BCAR3: variants seen among roughly 807,000 people sequenced by gnomAD.
BCAR3 encodes the protein breast cancer anti-estrogen resistance protein 3.
Under a neutral mutation model 80.1 loss-of-function variants are expected in BCAR3, and 37 were observed. The observed-to-expected ratio is 0.46, with a 90% confidence interval of 0.36 to 0.61. The LOEUF (loss-of-function observed/expected upper bound fraction) is 0.61. Ranked by LOEUF, BCAR3 falls within the 20% of genes least tolerant of loss-of-function variation. The pLI, the probability that BCAR3 is intolerant of heterozygous loss-of-function variation, is 0.00. For missense variants in BCAR3, 978 were observed against 1,068.2 expected, an observed-to-expected ratio of 0.92 and a Z score of 1.18; for synonymous variants, 389 against 418.9, an observed-to-expected ratio of 0.93 and a Z score of 0.87.
chr1:93,833,150 G>A (rs1455303955), intron 2 of BCAR3, among the ~76,000 whole-genome samples: 1 of 152,118 alleles, frequency 6.6e-6, no homozygotes, highest in Non-Finnish European at 1.5e-5. Context: ...GACTCTGGGG[G>A]TGACATCACA....
At chr1:93,753,015 G>T (rs1651616618) in intron 2 of BCAR3, 1 of 152,196 alleles carries the variant, frequency 6.6e-6, no homozygotes, top group Admixed American at 6.5e-5. Context: ...GTGACGCACA[G>T]TGCTAAGTTA....
At chr1:93,730,899 A>G (rs1650762368) in intron 2 of BCAR3, among the ~76,000 whole-genome samples, 1 of 152,250 alleles carries the variant, frequency 6.6e-6, no homozygotes, top group Non-Finnish European at 1.5e-5. Context: ...GAACCCTGGC[A>G]AACACTCCTC....
chr1:93,770,990 A>C (rs576339592), intron 2 of BCAR3, among the ~76,000 whole-genome samples: 1 of 152,218 alleles, frequency 6.6e-6, no homozygotes, highest in Non-Finnish European at 1.5e-5. Flanking sequence ...AGACCACTGT[A>C]CTATACCTTT....
chr1:93,668,766 T>C (rs1037612451), intron 2 of BCAR3, among the ~76,000 whole-genome samples: 1 of 150,396 alleles, frequency 6.6e-6, no homozygotes, highest in African/African-American at 2.5e-5. Context: ...GGCTGGAGAG[T>C]AGTGGTGTGA....
At chr1:93,773,360 A>G (rs1423369712) in intron 2 of BCAR3, among the ~76,000 whole-genome samples, 1 of 152,242 alleles carries the variant, frequency 6.6e-6, no homozygotes, top group Admixed American at 6.5e-5. Flanking sequence ...GCTTAACAAA[A>G]GCTTCTCTAT....
At chr1:93,668,487 T>C (rs1002638323) in intron 2 of BCAR3, among the ~76,000 whole-genome samples, 2 of 152,152 alleles carry the variant, frequency 1.3e-5, no homozygotes, top group African/African-American at 4.8e-5. Context: ...ACATTCACCA[T>C]TCCTCGGAAT....
Position 93,693,940 on chromosome 1 carries a change from G to C in BCAR3, c.-12+12152C>G, listed in dbSNP as rs1016953204. Among the ~76,000 whole-genome samples, 3 of 152,222 alleles carry C rather than the reference G, an allele frequency of 2.0e-5. No homozygotes were observed. The East Asian group carries it at 5.8e-4, about 29-fold the overall frequency. On this transcript the variant is annotated intron_variant, in intron 3 of 13. Transcript: ENST00000370244. ...TTGAGCCCCTGAGCACCTACTCTTG[G>C]CACTCTGTGTGCTTTGCCCACTTAA...
intron 2 of BCAR3, among the ~76,000 whole-genome samples, chr1:93,837,460 C>T (rs1400870867): frequency 1.3e-5 from 2 of 152,196 alleles, no homozygotes; most frequent in African/African-American, 4.8e-5. Context: ...CTTCTACCCA[C>T]TCAGCTCCTG....
chr1:93,743,220 C>T (rs1321079647), intron 2 of BCAR3, among the ~76,000 whole-genome samples: 3 of 152,078 alleles, frequency 2.0e-5, no homozygotes, highest in Admixed American at 6.6e-5. Flanking sequence ...GTATTTAAAA[C>T]AATTATGCTG....
At chr1:93,760,829 G>A (rs1651914193) in intron 2 of BCAR3, among the ~76,000 whole-genome samples, 1 of 152,106 alleles carries the variant, frequency 6.6e-6, no homozygotes, top group Admixed American at 6.6e-5. Flanking sequence ...CCTTGGTCAG[G>A]AGTTCATCCC....
At chr1:93,678,517 A>T (rs1648599070) in intron 1 of BCAR3, among the ~76,000 whole-genome samples, 1 of 152,224 alleles carries the variant, frequency 6.6e-6, no homozygotes, top group Non-Finnish European at 1.5e-5. Context: ...TAAGGGAAAT[A>T]AATGTTCATT....
At chr1:93,613,968 T>C (rs1675029659) in intron 3 of BCAR3, 11 of 1,549,690 alleles carry the variant, frequency 7.1e-6, no homozygotes, top group Non-Finnish European at 9.6e-6. Flanking sequence ...ACACTTTCTT[T>C]AGGGTTAAAA....
chr1:93,569,393 G>A (rs557416041), intron 9 of BCAR3, among the ~76,000 whole-genome samples: 25 of 152,338 alleles, frequency 1.6e-4, no homozygotes, highest in African/African-American at 6.0e-4. Flanking sequence ...ACCAGCAGAC[G>A]TGCTGTGAAG....
chr1:93,649,419 C>A (rs764507962), intron 2 of BCAR3, among the ~76,000 whole-genome samples: 1 of 152,144 alleles, frequency 6.6e-6, no homozygotes, highest in Non-Finnish European at 1.5e-5. Context: ...CTCTGGTTAT[C>A]CACCTCTTTC....
At chr1:93,670,951 C>T (rs959255259) in intron 2 of BCAR3, among the ~76,000 whole-genome samples, 1 of 151,804 alleles carries the variant, frequency 6.6e-6, no homozygotes, top group Admixed American at 6.6e-5. Context: ...CTTGGGCCTC[C>T]GAGAGGATGT....
intron 2 of BCAR3, among the ~76,000 whole-genome samples, chr1:93,714,768 A>G (rs1650142195): frequency 6.6e-6 from 1 of 151,702 alleles, no homozygotes; most frequent in African/African-American, 2.4e-5. Flanking sequence ...ACCTACTTCT[A>G]GCAACACAAT....
chr1:93,590,044 G>T (rs1189118263), intron 4 of BCAR3, among the ~76,000 whole-genome samples: 1 of 152,222 alleles, frequency 6.6e-6, no homozygotes, highest in Admixed American at 6.5e-5. Context: ...GGCCTGGCCA[G>T]TGGGGAGGAG....
chr1:93,676,797 C>T (rs562367307), intron 1 of BCAR3, among the ~76,000 whole-genome samples: 1 of 152,332 alleles, frequency 6.6e-6, no homozygotes, highest in South Asian at 2.1e-4. Flanking sequence ...AGGCCTGCAG[C>T]ACCCTACAGA....
intron 3 of BCAR3, among the ~76,000 whole-genome samples, chr1:93,692,987 G>A (rs1649249147): frequency 6.6e-6 from 1 of 152,178 alleles, no homozygotes; most frequent in Non-Finnish European, 1.5e-5. Context: ...CCCCATGGCA[G>A]GAACCCACAT....
Sources: gnomAD v4.1 joint callset for allele counts (sites outside exome capture counted in the v4.1 genomes callset) on GRCh38, gnomAD v4.1.1 for gene constraint, MANE v1.5 for transcripts, NCBI Gene and HGNC (gene_info 2026-07-23, HGNC 2026-07-21) for gene names.